PAK3: variants seen among roughly 807,000 people sequenced by gnomAD.
PAK3 encodes the protein p21 (RAC1) activated kinase 3, also known as serine/threonine-protein kinase PAK 3.
In PAK3, 4 loss-of-function variants were observed where a neutral mutation model predicts 41.0. That is an observed-to-expected ratio of 0.10 (90% CI 0.05 to 0.22). The LOEUF (loss-of-function observed/expected upper bound fraction) is 0.22. Ranked by LOEUF, PAK3 falls within the 10% of genes least tolerant of loss-of-function variation. The pLI is 1.00. For synonymous variants in PAK3, 146 were observed against 139.6 expected (o/e 1.05, Z -0.32); for missense variants, 205 against 409.9 (o/e 0.50, Z 4.32).
chrX:111,160,721 G>T (rs1475358267), intron 8 of PAK3, among the ~76,000 whole-genome samples: 3 of 111,174 alleles, frequency 2.7e-5, no homozygotes, highest in Non-Finnish European at 5.7e-5. Context: ...GTGGTGTTTG[G>T]TTTTTTGTCC....
chrX:111,163,692 C>T lies in PAK3; in HGVS notation c.731C>T (p.Ser244Phe), dbSNP rs1261292931. The change falls in exon 10 of 18, where the codon TCC (serine) becomes TTC (phenylalanine). Residue 244 changes from serine (S) to phenylalanine (F), a missense_variant. Ser to Phe is a radical substitution (Grantham distance 155). Transcript: ENST00000372007. ...AACACAGATCGGCAAAGAAAAAAAT[C>T]CAAGATGACAGATGAGGAGATCTTA... is the stretch of plus-strand genomic sequence containing the variant. ...YRNTDRQRKK[S>F]KMTDEEILEK... is the part of the protein sequence containing the mutation. 8.3e-7 allele frequency: 1 copy of T among 1,202,960 alleles called. No homozygotes were observed. Among genetic ancestry groups the T allele is most frequent in the Admixed American group, 2.2e-5 (1 of 45,647 alleles).
intron 1 of PAK3, among the ~76,000 whole-genome samples, chrX:110,983,351 G>A (rs1445268719): frequency 9.0e-6 from 1 of 110,603 alleles, no homozygotes; most frequent in Non-Finnish European, 1.9e-5. Flanking sequence ...TGGCGTTCTG[G>A]GCTGCCTGGT....
chrX:111,173,117 T>C (rs2094365197), intron 11 of PAK3, 36 bp downstream of exon 11: 1 of 666,798 alleles, frequency 1.5e-6, no homozygotes, highest in African/African-American at 2.2e-5. Flanking sequence ...AAAAGATGAG[T>C]ACAAGCAACA....
intron 5 of PAK3, among the ~76,000 whole-genome samples, chrX:111,135,558 T>C (rs2093777642): frequency 1.8e-5 from 2 of 111,120 alleles, no homozygotes; most frequent in Admixed American, 1.9e-4. Flanking sequence ...AAGAGCCTTC[T>C]GCAAATGAGG....
At chrX:110,972,695 G>T (rs1161505009) in intron 1 of PAK3, among the ~76,000 whole-genome samples, 2 of 111,963 alleles carry the variant, frequency 1.8e-5, no homozygotes, top group African/African-American at 6.5e-5. Flanking sequence ...ACGGAACAAA[G>T]CTGGACATAG....
At chrX:111,191,187 C>G (rs1294303280) in intron 11 of PAK3, among the ~76,000 whole-genome samples, 3 of 111,795 alleles carry the variant, frequency 2.7e-5, no homozygotes, top group Non-Finnish European at 3.8e-5. Flanking sequence ...CAACCTCGAC[C>G]TCCTGGGCTC....
intron 10 of PAK3, among the ~76,000 whole-genome samples, chrX:111,166,904 T>C (rs1018664987): frequency 8.9e-6 from 1 of 111,816 alleles, no homozygotes; most frequent in African/African-American, 3.3e-5. Context: ...AAATAAGTCA[T>C]CACTGGGTCT....
intron 10 of PAK3, among the ~76,000 whole-genome samples, chrX:111,166,339 T>C (rs182982362): frequency 8.9e-6 from 1 of 111,920 alleles, no homozygotes; most frequent in East Asian, 2.8e-4. Flanking sequence ...CGTCTGGCTC[T>C]GTTACCCAGG....
At position 111,222,447 on chromosome X, in the gene PAK3, C is replaced by G. The variant is rs2094932709; in HGVS notation, c.*2000C>G. ...AAATGTCCACAGTGGGATAAAACAA[C>G]AAATGTGAAAAGAAAATGAAACGGT... On this transcript the variant is annotated 3_prime_UTR_variant, in exon 18 of 18. Coordinates refer to ENST00000372007, the MANE Select transcript of PAK3 (RefSeq NM_002578.5). The G allele has an allele frequency of 8.9e-6, 1 of 111,848 alleles. No homozygotes were observed. Among genetic ancestry groups the G allele is most frequent in the African/African-American group, 3.3e-5 (1 of 30,767 alleles). The allele number at this position is 111,848 out of a possible 1,213,427, so 9.2% of individuals were successfully genotyped here.
At chrX:111,002,658 G>A (rs896635918) in intron 1 of PAK3, among the ~76,000 whole-genome samples, 5 of 111,408 alleles carry the variant, frequency 4.5e-5, no homozygotes, top group African/African-American at 1.3e-4. Context: ...CAGAATAGCC[G>A]TCACCCACTT....
chrX:111,183,255 C>T (rs1356044444), intron 11 of PAK3, among the ~76,000 whole-genome samples: 3 of 111,268 alleles, frequency 2.7e-5, no homozygotes, highest in African/African-American at 6.5e-5. Context: ...ACAGGGTGGG[C>T]ATTAAGTGAG....
Position 111,110,987 on chromosome X carries a change from T to C in PAK3, c.-28+7681T>C, listed in dbSNP as rs761667148. ...TTTGACCATCTTTCTCAGGGATCAT[T>C]AGTCACTCTTCCTCTTCCAACCTCT... On this transcript the variant is annotated intron_variant, in intron 4 of 17. Coordinates refer to ENST00000372007, the MANE Select transcript of PAK3 (RefSeq NM_002578.5). 8.9e-5 allele frequency among the ~76,000 whole-genome samples: 10 copies of C among 112,071 alleles called. No homozygotes were observed. The East Asian group carries it at 2.8e-3, about 32-fold the overall frequency.
chrX:111,119,146 A>G (rs749934197), intron 4 of PAK3, among the ~76,000 whole-genome samples: 7 of 111,644 alleles, frequency 6.3e-5, no homozygotes, highest in Non-Finnish European at 1.1e-4. Context: ...GAAAAGGGGT[A>G]TTTAGGCTCT....
intron 4 of PAK3, among the ~76,000 whole-genome samples, chrX:111,107,523 A>G (rs1009855507): frequency 8.9e-6 from 1 of 112,093 alleles, no homozygotes; most frequent in African/African-American, 3.2e-5. Context: ...ATGGATCAGG[A>G]GCCTGGTGCA....
chrX:111,129,497 A>G (rs960731452), intron 5 of PAK3, among the ~76,000 whole-genome samples: 3 of 111,203 alleles, frequency 2.7e-5, no homozygotes, highest in African/African-American at 3.3e-5. Context: ...CTATGCCCCA[A>G]TAGAAGAGTC....
rs181449159 is a variant in PAK3 at position 110,972,544 on chromosome X, A to T, written c.-28+27916A>T. ...TCAACAAAAAGGTCATCTACACCAA[A>T]ACCCCATCTGTAGGTCACCAACATC... On this transcript the variant is annotated intron_variant, in intron 1 of 14. Coordinates refer to the PAK3 transcript ENST00000425146. Among the ~76,000 whole-genome samples the T allele has an allele frequency of 1.5e-3, 173 of 112,228 alleles. 1 individual carries two copies. The highest frequency in any genetic ancestry group is 5.2e-3 in the African/African-American group (162 of 30,919).
intron 10 of PAK3, among the ~76,000 whole-genome samples, chrX:111,170,332 A>G: frequency 9.1e-6 from 1 of 110,037 alleles, no homozygotes; most frequent in East Asian, 2.9e-4. Context: ...GCTAAGTCTT[A>G]TTTAACTTAA....
chrX:111,045,635 G>C (rs2092489810), intron 1 of PAK3, among the ~76,000 whole-genome samples: 2 of 112,000 alleles, frequency 1.8e-5, no homozygotes, highest in East Asian at 5.6e-4. Flanking sequence ...GATCTATTCT[G>C]TTAAGTAAAG....
chrX:111,215,316 T>C (rs995161604), intron 16 of PAK3, among the ~76,000 whole-genome samples: 24 of 111,425 alleles, frequency 2.2e-4, no homozygotes, highest in Non-Finnish European at 7.5e-5. Context: ...CCCAGCACTT[T>C]GGGAGACCGA....
Sources: allele counts gnomAD v4.1 joint callset (sites outside exome capture counted in the v4.1 genomes callset), GRCh38; gene constraint gnomAD v4.1.1; transcripts MANE v1.5; gene names NCBI Gene and HGNC (gene_info 2026-07-23, HGNC 2026-07-21).